The following CROCC2 variants were observed in gnomAD, a reference collection of about 807,000 sequenced individuals.
CROCC2 encodes ciliary rootlet coiled-coil protein 2.
CROCC2 carries 163 observed loss-of-function variants against 177.6 expected under a neutral mutation model. The observed-to-expected ratio is 0.92, with a 90% CI of 0.81 to 1.05. The LOEUF (loss-of-function observed/expected upper bound fraction) is 1.05, where lower values mean the gene tolerates loss of function less well. Among genes scored for constraint, CROCC2 ranks in the 50% least tolerant of loss-of-function variants. CROCC2 has a pLI of 0.00. For synonymous variants in CROCC2, 904 were observed against 787.3 expected (o/e 1.15, Z -2.48); for missense variants, 1,929 against 1,797.8 (o/e 1.07, Z -1.32).
rs959988078 is a variant in CROCC2 at position 240,960,702 on chromosome 2, C to T, written c.3087+1258C>T. Among the ~76,000 whole-genome samples the T allele has an allele frequency of 2.0e-4, 30 of 152,058 alleles. No homozygotes were observed. Among genetic ancestry groups the T allele is most frequent in the African/African-American group, 3.6e-4 (15 of 41,426 alleles). On this transcript the variant is annotated intron_variant, in intron 20 of 31. Transcript: ENST00000690015. This position sits in a 1 kb window ranked among gnomAD's most constrained non-coding sequence, Gnocchi z 5.0. ...GCTGGCGCACACCACGCCCCAGAGG[C>T]CGGGCCGGCCGGCAGGGGAGAGTGA...
At chr2:240,950,542 C>A in intron 18 of CROCC2, 32 bp downstream of exon 18, 1 of 1,529,448 alleles carries the variant, frequency 6.5e-7, no homozygotes, top group Non-Finnish European at 8.8e-7. Flanking sequence ...AGCGGGATTG[C>A]TCACACCCAC....
At chr2:240,963,417 G>A in intron 20 of CROCC2, 139 bp from the exon 21 acceptor site, 1 of 869,486 alleles carries the variant, frequency 1.2e-6, no homozygotes, top group Non-Finnish European at 1.7e-6. Flanking sequence ...GTGGCTCCAT[G>A]GGGTGAGCAA....
At chr2:240,922,234 A>C (rs1441504779) in intron 3 of CROCC2, among the ~76,000 whole-genome samples, 3 of 152,162 alleles carry the variant, frequency 2.0e-5, no homozygotes, top group African/African-American at 7.2e-5. Context: ...CTATGCCCCC[A>C]CTGGGCCACC....
chr2:240,948,582 A>G (rs913682407), intron 15 of CROCC2, among the ~76,000 whole-genome samples: 1 of 152,228 alleles, frequency 6.6e-6, no homozygotes, highest in African/African-American at 2.4e-5. Flanking sequence ...TGATGAATTA[A>G]CTGTTAGAAA....
Position 240,968,142 on chromosome 2 carries a change from G to A in CROCC2, c.4281G>A (p.Val1427=), listed in dbSNP as rs2059696434. Residue 1427 remains valine (V), a synonymous_variant, in exon 27 of 32, where the codon GTG becomes GTA. Transcript: ENST00000690015. The part of the protein sequence containing the change: ...LAEAEEGQRR[V]EGALSSARAA... ...CTTGCCCCACAGGCCAGCGCCGGGT[G>A]GAGGGCGCGCTGAGCAGCGCCCGGG... The A allele has an allele frequency of 6.7e-7, 1 of 1,492,474 alleles. No homozygotes were observed. Among genetic ancestry groups the A allele is most frequent in the Non-Finnish European group, 8.9e-7 (1 of 1,124,084 alleles). 92.5% of individuals were successfully genotyped at this position (1,492,474 alleles called of 1,614,324 possible). A position where few individuals can be genotyped will look rare whatever the true frequency, so the allele number is the denominator to read the frequency against.
chr2:240,991,303 G>A, intron 31 of CROCC2, 25 bp downstream of exon 31: 1 of 1,539,620 alleles, frequency 6.5e-7, no homozygotes, highest in Non-Finnish European at 8.8e-7. Context: ...ATACCACCCA[G>A]CAGCCTAGCT....
chr2:240,948,444 G>T (rs1328581461), intron 15 of CROCC2, among the ~76,000 whole-genome samples: 1 of 152,228 alleles, frequency 6.6e-6, no homozygotes, highest in Admixed American at 6.5e-5. Context: ...GTTCATATGG[G>T]TGTCTGTGTT....
intron 30 of CROCC2, among the ~76,000 whole-genome samples, chr2:240,990,875 G>T (rs13384794): frequency 1.3e-5 from 2 of 152,032 alleles, no homozygotes; most frequent in Admixed American, 6.5e-5. Context: ...GATTACAGGC[G>T]TGAGCCACTG....
intron 14 of CROCC2, among the ~76,000 whole-genome samples, chr2:240,943,679 C>A (rs908880179): frequency 1.3e-5 from 2 of 151,942 alleles, no homozygotes; most frequent in African/African-American, 4.8e-5. Flanking sequence ...GGGGTTTCGC[C>A]ATGTTGGCCA....
At chr2:240,928,751 G>C (rs779696341) in intron 5 of CROCC2, among the ~76,000 whole-genome samples, 1 of 138,486 alleles carries the variant, frequency 7.2e-6, no homozygotes, top group South Asian at 2.2e-4. Context: ...CAGGTGTAAC[G>C]GGCTCAGAGG....
intron 30 of CROCC2, among the ~76,000 whole-genome samples, 160 bp downstream of exon 30, chr2:240,989,993 G>A (rs925509396): frequency 1.3e-5 from 2 of 152,220 alleles, no homozygotes; most frequent in African/African-American, 4.8e-5. Flanking sequence ...GGCACTGCCT[G>A]CACTTCTTTG....
At chr2:240,919,913 A>T in intron 2 of CROCC2, 70 bp from the exon 3 acceptor site, 2 of 564,666 alleles carry the variant, frequency 3.5e-6, no homozygotes, top group Non-Finnish European at 6.7e-6. Flanking sequence ...CCCACCGTGG[A>T]GACAGGGCAC....
intron 14 of CROCC2, among the ~76,000 whole-genome samples, chr2:240,937,069 G>T (rs1390541425): frequency 6.6e-6 from 1 of 152,244 alleles, no homozygotes; most frequent in Non-Finnish European, 1.5e-5. Context: ...CAACCAAGCA[G>T]CTTTCCGAAA....
chr2:240,972,188 G>C lies in CROCC2; in HGVS notation c.4401+3926G>C, dbSNP rs1418490518. ...CTCGTTTGAAGTTGGGAGTGGAGAG[G>C]AACCCATCAGGGACTTTATGTGTCC... is the stretch of plus-strand genomic sequence containing the variant. On this transcript the variant is annotated intron_variant, in intron 27 of 31. Transcript: ENST00000690015. This position sits in a 1 kb window ranked among gnomAD's most constrained non-coding sequence, Gnocchi z 7.1. Among the ~76,000 whole-genome samples, 1 of 152,152 alleles carries C rather than the reference G, an allele frequency of 6.6e-6. No individual in the cohort carries two copies. Among genetic ancestry groups the C allele is most frequent in the East Asian group, 1.9e-4 (1 of 5,192 alleles).
intron 28 of CROCC2, chr2:240,983,438 C>A: frequency 7.9e-7 from 1 of 1,269,000 alleles, no homozygotes; most frequent in Non-Finnish European, 1.0e-6. Flanking sequence ...GCTCTGCAGG[C>A]CGCAGAGGCT....
chr2:240,920,230 A>G (rs952718184), intron 3 of CROCC2, 96 bp downstream of exon 3: 2 of 585,082 alleles, frequency 3.4e-6, no homozygotes, highest in Non-Finnish European at 6.1e-6. Flanking sequence ...GCCTGGGACC[A>G]TCGGCAATTT....
intron 22 of CROCC2, 93 bp from the exon 23 acceptor site, chr2:240,965,288 A>C: frequency 6.6e-7 from 1 of 1,505,542 alleles, no homozygotes; most frequent in Non-Finnish European, 8.9e-7. Flanking sequence ...AGCTGCCCTC[A>C]AGGGACGTGT....
chr2:240,938,238 G>C (rs1038833794), intron 14 of CROCC2, among the ~76,000 whole-genome samples: 2 of 152,186 alleles, frequency 1.3e-5, no homozygotes, highest in South Asian at 4.1e-4. Flanking sequence ...GCACACTAAC[G>C]TGTGAGGACC....
chr2:240,974,473 C>A (rs1012351536), intron 27 of CROCC2, among the ~76,000 whole-genome samples: 6 of 150,166 alleles, frequency 4.0e-5, no homozygotes, highest in Admixed American at 2.0e-4. Flanking sequence ...TCTTGAGTAG[C>A]TGGGACTACA....
Sources: gnomAD v4.1 joint callset for allele counts (sites outside exome capture counted in the v4.1 genomes callset) on GRCh38, gnomAD v4.1.1 for gene constraint, Gnocchi (gnomAD v3.1) non-coding constraint, MANE v1.5 for transcripts, NCBI Gene and HGNC (gene_info 2026-07-23, HGNC 2026-07-21) for gene names.